NEBL: variants seen among roughly 807,000 people sequenced by gnomAD.
NEBL encodes the protein nebulette.
A neutral mutation model predicts 140.2 loss-of-function variants in NEBL; 122 were observed. That is an observed-to-expected ratio of 0.87 (90% CI 0.75 to 1.01). The LOEUF (loss-of-function observed/expected upper bound fraction) is 1.01, where lower values mean the gene tolerates loss of function less well. Among genes scored for constraint, NEBL ranks in the 50% least tolerant of loss-of-function variants. The probability of loss-of-function intolerance (pLI) is 0.00; values close to 1 mark genes in which losing one functional copy is unlikely to be tolerated. For synonymous variants in NEBL, 436 were observed against 398.9 expected, an observed-to-expected ratio of 1.09 and a Z score of -1.11; for missense variants, 1,365 against 1,231.3, an observed-to-expected ratio of 1.11 and a Z score of -1.62.
At chr10:21,131,175 C>T (rs1038702706) in intron 2 of NEBL, among the ~76,000 whole-genome samples, 1 of 152,092 alleles carries the variant, frequency 6.6e-6, no homozygotes, top group African/African-American at 2.4e-5. Flanking sequence ...ACACAATCTG[C>T]CAAAACTCAC....
intron 5 of NEBL, 68 bp from the exon 6 acceptor site, chr10:20,869,909 G>T: frequency 9.8e-7 from 1 of 1,021,372 alleles, no homozygotes; most frequent in Non-Finnish European, 1.5e-6. Context: ...TAGTCTTAGT[G>T]TTCATAACAT....
At chr10:21,281,182 C>G (rs1361136997) in intron 1 of NEBL, among the ~76,000 whole-genome samples, 1 of 152,170 alleles carries the variant, frequency 6.6e-6, no homozygotes, top group East Asian at 1.9e-4. Context: ...TGAATCCAGC[C>G]TGAGTGAGTG....
At chr10:21,114,233 C>CAGAT (rs1256995209) in intron 2 of NEBL, among the ~76,000 whole-genome samples, 1 of 151,824 alleles carries the variant, frequency 6.6e-6, no homozygotes, top group African/African-American at 2.4e-5. Flanking sequence ...GGGGATTATC[C>CAGAT]AGATATCTTT....
chr10:21,178,557 T>C (rs7905726), upstream of NEBL, among the ~76,000 whole-genome samples: 31,423 of 152,100 alleles, frequency 0.21, 3,512 homozygotes, highest in East Asian at 0.36. Flanking sequence ...CCACAGAAAA[T>C]ATAAGACCCC....
At chr10:20,815,936 T>C (rs1046029414) in intron 21 of NEBL, 2 of 504,352 alleles carry the variant, frequency 4.0e-6, no homozygotes, top group African/African-American at 3.9e-5. Flanking sequence ...GCCTGGCTAA[T>C]TTTTGTATTT....
rs1209541091 is a variant in NEBL at position 21,137,960 on chromosome 10, AGG to A, written c.164+34421_164+34422del. Among the ~76,000 whole-genome samples, 557 of 150,814 alleles carry A rather than the reference AGG, an allele frequency of 3.7e-3. 5 individuals are homozygous for A. The highest frequency in any genetic ancestry group is 0.013 in the African/African-American group (538 of 40,918). On this transcript the variant is annotated intron_variant, in intron 2 of 6. Coordinates refer to the NEBL transcript ENST00000417816. ...AGGAAAGGGAAGGGAAGGGAAGGGA[AGG>A]GAATGGAAAGGAAGAAAGGAAGGAA...
At chr10:21,232,992 G>A (rs1203887655) in intron 3 of NEBL, among the ~76,000 whole-genome samples, 1 of 152,174 alleles carries the variant, frequency 6.6e-6, no homozygotes, top group Non-Finnish European at 1.5e-5. Context: ...AATACTTGCT[G>A]AGCAATTGAA....
intron 4 of NEBL, among the ~76,000 whole-genome samples, chr10:20,929,263 A>T (rs977653964): frequency 6.7e-6 from 1 of 149,114 alleles, no homozygotes; most frequent in African/African-American, 2.5e-5. Flanking sequence ...AGATATAAAT[A>T]TATATATATA....
At chr10:20,792,606 A>G (rs913935763) in intron 26 of NEBL, among the ~76,000 whole-genome samples, 8 of 152,270 alleles carry the variant, frequency 5.3e-5, no homozygotes, top group South Asian at 2.1e-4. Flanking sequence ...GTTCGAGACC[A>G]GCCTGGCCAA....
intron 3 of NEBL, among the ~76,000 whole-genome samples, chr10:21,013,901 C>A (rs1027964214): frequency 6.6e-6 from 1 of 151,944 alleles, no homozygotes; most frequent in African/African-American, 2.4e-5. Context: ...CAATGAAGAG[C>A]AGAGTCCCCT....
At chr10:21,108,860 A>T (rs966743736) in intron 2 of NEBL, among the ~76,000 whole-genome samples, 2 of 152,132 alleles carry the variant, frequency 1.3e-5, no homozygotes, top group African/African-American at 2.4e-5. Flanking sequence ...GTGCATATAT[A>T]TTTAGGATAA....
At chr10:21,242,377 C>A (rs912357526) in intron 3 of NEBL, among the ~76,000 whole-genome samples, 3 of 152,050 alleles carry the variant, frequency 2.0e-5, no homozygotes, top group African/African-American at 7.2e-5. Context: ...AACAGAAAAC[C>A]AAATACTGCA....
At chr10:21,213,088 T>C (rs1841941611) in intron 3 of NEBL, among the ~76,000 whole-genome samples, 1 of 152,098 alleles carries the variant, frequency 6.6e-6, no homozygotes, top group African/African-American at 2.4e-5. Context: ...ATGTCTCATC[T>C]CACTTTATCT....
At chr10:20,793,393 G>T in intron 26 of NEBL, 1 of 967,322 alleles carries the variant, frequency 1.0e-6, no homozygotes, top group Non-Finnish European at 1.2e-6. Flanking sequence ...AGGAAGGACA[G>T]GAGATTAAGG....
intron 4 of NEBL, among the ~76,000 whole-genome samples, chr10:20,951,281 T>A (rs1047903740): frequency 6.6e-6 from 1 of 151,798 alleles, no homozygotes; most frequent in Non-Finnish European, 1.5e-5. Context: ...AATTTAGATA[T>A]CTTTGTGCAA....
In NEBL at chr10:21,181,993, G is replaced by C. The variant is rs182011742; in HGVS notation, n.349-9516C>G. Among the ~76,000 whole-genome samples, 1,519 of 152,204 alleles carry C rather than the reference G, an allele frequency of 1.0e-2. 23 individuals are homozygous for C. Among genetic ancestry groups the C allele is most frequent in the South Asian group, 0.058 (278 of 4,818 alleles). On this transcript the variant is annotated intron_variant and non_coding_transcript_variant, in intron 3 of 8. Coordinates refer to the NEBL transcript ENST00000675702. The stretch of plus-strand genomic sequence containing the variant: ...AGGTGGACTGGACAGGACCAAATGG[G>C]GCACAGGGACCGCCCATCAGCAGAC...
At chr10:21,227,474 T>C (rs1410015682) in intron 3 of NEBL, among the ~76,000 whole-genome samples, 1 of 152,268 alleles carries the variant, frequency 6.6e-6, no homozygotes, top group African/African-American at 2.4e-5. Context: ...ATTCTCCCTG[T>C]GATCACCAGA....
At chr10:21,135,646 T>C (rs1412958961) in intron 2 of NEBL, among the ~76,000 whole-genome samples, 1 of 152,072 alleles carries the variant, frequency 6.6e-6, no homozygotes, top group Non-Finnish European at 1.5e-5. Flanking sequence ...ACTCAGTGAG[T>C]GATTCCCCCG....
At chr10:21,055,162 A>AT (rs1031644598) in intron 2 of NEBL, among the ~76,000 whole-genome samples, 1 of 152,236 alleles carries the variant, frequency 6.6e-6, no homozygotes, top group Admixed American at 6.5e-5. Flanking sequence ...TGCTTTCTTA[A>AT]TTTTTTCAGA....
Sources: allele counts gnomAD v4.1 joint callset (sites outside exome capture counted in the v4.1 genomes callset), GRCh38; gene constraint gnomAD v4.1.1; transcripts MANE v1.5; gene names NCBI Gene and HGNC (gene_info 2026-07-23, HGNC 2026-07-21).